The following CDC14A variants were observed in gnomAD, a reference collection of about 807,000 sequenced individuals.
CDC14A encodes cell division cycle 14A.
In CDC14A, 53 loss-of-function variants were observed where a neutral mutation model predicts 74.4. The ratio of observed to expected loss-of-function variants is 0.71; its 90% confidence interval spans 0.57 to 0.89. The LOEUF (loss-of-function observed/expected upper bound fraction) is 0.89. Ranked by LOEUF, CDC14A falls within the 40% of genes least tolerant of loss-of-function variation. The pLI, the probability that CDC14A is intolerant of heterozygous loss-of-function variation, is 0.00. For missense variants in CDC14A, 646 were observed against 713.7 expected (o/e 0.91, Z 1.08); for synonymous variants, 247 against 258.4 (o/e 0.96, Z 0.43).
At chr1:100,498,270 T>A in intron 14 of CDC14A, 63 bp downstream of exon 14, 1 of 1,560,494 alleles carries the variant, frequency 6.4e-7, no homozygotes, top group Non-Finnish European at 8.7e-7. Context: ...CAGCAGGCGA[T>A]GAGTTTAGCT....
At chr1:100,452,966 A>G (rs1401159106) in intron 7 of CDC14A, among the ~76,000 whole-genome samples, 3 of 152,186 alleles carry the variant, frequency 2.0e-5, no homozygotes, top group African/African-American at 7.2e-5. Context: ...TTCACTATGA[A>G]TAAAGGCACA....
chr1:100,442,353 A>T (rs1336213738), intron 6 of CDC14A, among the ~76,000 whole-genome samples: 1 of 146,378 alleles, frequency 6.8e-6, no homozygotes, highest in African/African-American at 2.5e-5. Context: ...TAAATATACT[A>T]TATTATATAT....
At chr1:100,396,733 C>T (rs1658551424) in intron 4 of CDC14A, among the ~76,000 whole-genome samples, 1 of 152,178 alleles carries the variant, frequency 6.6e-6, no homozygotes, top group Non-Finnish European at 1.5e-5. Flanking sequence ...TTAAAATGTA[C>T]AGCTCAGTGG....
intron 11 of CDC14A, among the ~76,000 whole-genome samples, chr1:100,489,537 T>G (rs963374467): frequency 6.6e-6 from 1 of 152,198 alleles, no homozygotes; most frequent in Non-Finnish European, 1.5e-5. Context: ...ATAAAATATT[T>G]ATTCTTCATG....
chr1:100,455,297 T>C (rs1390676796), intron 7 of CDC14A, 108 bp from the exon 8 acceptor site: 3 of 680,456 alleles, frequency 4.4e-6, no homozygotes, highest in Non-Finnish European at 7.6e-6. Flanking sequence ...TCTACATGTA[T>C]GTCTAATTAG....
chr1:100,453,416 A>C (rs1666344846), intron 7 of CDC14A, among the ~76,000 whole-genome samples: 1 of 152,196 alleles, frequency 6.6e-6, no homozygotes, highest in African/African-American at 2.4e-5. Context: ...TGATTAGTGC[A>C]TACCTTTATT....
upstream of CDC14A, among the ~76,000 whole-genome samples, chr1:100,349,190 C>T (rs1421193223): frequency 2.0e-5 from 3 of 151,202 alleles, no homozygotes; most frequent in East Asian, 1.9e-4. Flanking sequence ...AGCAAGACTC[C>T]GTCTAGAGAA....
chr1:100,398,275 T>C (rs17122394), intron 4 of CDC14A, among the ~76,000 whole-genome samples: 10,791 of 152,222 alleles, frequency 0.071, 837 homozygotes, highest in African/African-American at 0.19. Context: ...AGTCTCCTAC[T>C]TCCTATCACT....
intron 5 of CDC14A, among the ~76,000 whole-genome samples, chr1:100,432,102 G>C (rs6679008): frequency 6.6e-6 from 1 of 151,768 alleles, no homozygotes; most frequent in Non-Finnish European, 1.5e-5. Context: ...CTGTTTTTTT[G>C]TTGTTGTTGT....
chr1:100,482,502 CTTTT>C (rs1669585797), intron 10 of CDC14A, among the ~76,000 whole-genome samples: 1 of 152,052 alleles, frequency 6.6e-6, no homozygotes, highest in African/African-American at 2.4e-5. Flanking sequence ...TGGGGAACTT[CTTTT>C]TGATTCCATC....
At chr1:100,488,130 C>T (rs934905777) in intron 11 of CDC14A, among the ~76,000 whole-genome samples, 2 of 152,100 alleles carry the variant, frequency 1.3e-5, no homozygotes, top group Non-Finnish European at 2.9e-5. Flanking sequence ...CCTATGGGTC[C>T]ATTATGGCTT....
At chr1:100,468,179 C>T in intron 10 of CDC14A, 85 bp downstream of exon 10, 5 of 1,488,430 alleles carry the variant, frequency 3.4e-6, no homozygotes, top group South Asian at 2.4e-5. Flanking sequence ...ACCATGTCAG[C>T]CTGTGGTTAT....
At chr1:100,469,420 T>TA (rs1482246221) in intron 10 of CDC14A, among the ~76,000 whole-genome samples, 1 of 152,242 alleles carries the variant, frequency 6.6e-6, no homozygotes, top group Non-Finnish European at 1.5e-5. Flanking sequence ...TCTCTCTTTT[T>TA]ACCCGTGAGG....
At chr1:100,392,149 C>T (rs1393412194) in intron 4 of CDC14A, among the ~76,000 whole-genome samples, 1 of 152,110 alleles carries the variant, frequency 6.6e-6, no homozygotes, top group East Asian at 1.9e-4. Flanking sequence ...GTAGTGCCAG[C>T]CAGGCTATTG....
chr1:100,434,302 A>G (rs1664063456), intron 5 of CDC14A, among the ~76,000 whole-genome samples: 1 of 152,128 alleles, frequency 6.6e-6, no homozygotes, highest in South Asian at 2.1e-4. Flanking sequence ...GAGAGGGAAG[A>G]ACATGTGACT....
chr1:100,463,271 T>A (rs1667489366), intron 9 of CDC14A, among the ~76,000 whole-genome samples: 1 of 152,162 alleles, frequency 6.6e-6, no homozygotes, highest in Non-Finnish European at 1.5e-5. Context: ...CTCTTCTCCA[T>A]CCTCTTGCAC....
At chr1:100,394,464 G>A (rs72972083) in intron 4 of CDC14A, among the ~76,000 whole-genome samples, 6,865 of 152,184 alleles carry the variant, frequency 0.045, 540 homozygotes, top group African/African-American at 0.16. Flanking sequence ...GTTTAGTGTG[G>A]TTCTTCATTT....
chr1:100,487,586 AAAACAAAAC>A (rs1263204385), intron 11 of CDC14A, among the ~76,000 whole-genome samples: 8,067 of 151,928 alleles, frequency 0.053, 724 homozygotes, highest in African/African-American at 0.19. Context: ...AAAACAAAAC[AAAACAAAAC>A]AAAAAACAAA....
At chr1:100,513,880 T>C (rs1649983349) in intron 15 of CDC14A, among the ~76,000 whole-genome samples, 1 of 152,194 alleles carries the variant, frequency 6.6e-6, no homozygotes, top group Non-Finnish European at 1.5e-5. Flanking sequence ...GAACAAGACT[T>C]CTTGATGGAA....
Sources: gnomAD v4.1 joint callset for allele counts (sites outside exome capture counted in the v4.1 genomes callset) on GRCh38, gnomAD v4.1.1 for gene constraint, MANE v1.5 for transcripts, NCBI Gene and HGNC (gene_info 2026-07-23, HGNC 2026-07-21) for gene names.